Variants in NRXN1 observed in about 807,000 individuals in gnomAD.
The protein encoded by NRXN1 is neurexin-1.
NRXN1 carries 39 observed loss-of-function variants against 150.9 expected under a neutral mutation model. That is an observed-to-expected ratio of 0.26 (90% CI 0.20 to 0.34). NRXN1 has a LOEUF of 0.34. NRXN1 is among the 10% of genes least tolerant of loss of function. The pLI is 1.00. For missense variants in NRXN1, 1,815 were observed against 1,949.9 expected (o/e 0.93, Z 1.30); for synonymous variants, 924 against 757.0 (o/e 1.22, Z -3.62).
chr2:50,664,381 A>T (rs1349161492), intron 5 of NRXN1, among the ~76,000 whole-genome samples: 1 of 140,262 alleles, frequency 7.1e-6, no homozygotes, highest in Admixed American at 7.2e-5. Context: ...ACTTTTGAGA[A>T]TTCAAAGTTT....
At chr2:50,576,915 T>G (rs1671522895) in intron 8 of NRXN1, among the ~76,000 whole-genome samples, 1 of 152,116 alleles carries the variant, frequency 6.6e-6, no homozygotes, top group Non-Finnish European at 1.5e-5. Context: ...CTTTAATTAG[T>G]AAATACTGCA....
chr2:50,857,188 T>C (rs190949355), intron 5 of NRXN1, among the ~76,000 whole-genome samples: 2 of 152,248 alleles, frequency 1.3e-5, no homozygotes, highest in East Asian at 3.9e-4. Context: ...CGGGGTAAAG[T>C]TGAGCTGTGT....
chr2:50,494,633 G>A (rs1434278233), intron 15 of NRXN1, among the ~76,000 whole-genome samples: 1 of 152,158 alleles, frequency 6.6e-6, no homozygotes, highest in Admixed American at 6.6e-5. Flanking sequence ...TTTATATGTT[G>A]AGCAAATAAA....
intron 5 of NRXN1, among the ~76,000 whole-genome samples, chr2:50,845,304 C>A (rs773763729): frequency 6.6e-6 from 1 of 152,168 alleles, no homozygotes; most frequent in Non-Finnish European, 1.5e-5. Context: ...CGAACACTTA[C>A]TATTTATTGA....
chr2:49,981,442 C>A (rs1679970634), intron 21 of NRXN1, among the ~76,000 whole-genome samples: 1 of 151,982 alleles, frequency 6.6e-6, no homozygotes, highest in South Asian at 2.1e-4. Flanking sequence ...GAACATAAAA[C>A]CTTACATGTA....
chr2:50,291,559 A>G (rs150690205), intron 17 of NRXN1, among the ~76,000 whole-genome samples: 2 of 152,284 alleles, frequency 1.3e-5, no homozygotes, highest in Admixed American at 6.5e-5. Context: ...TGAAAAAGCC[A>G]TCCTCCCATG....
At chr2:50,408,445 G>A (rs2082906314) in intron 17 of NRXN1, among the ~76,000 whole-genome samples, 1 of 152,252 alleles carries the variant, frequency 6.6e-6, no homozygotes, top group African/African-American at 2.4e-5. Context: ...GCTGCATGAT[G>A]TAGCTGAGAT....
chr2:50,283,831 A>G (rs2071774264), intron 17 of NRXN1, among the ~76,000 whole-genome samples: 1 of 152,066 alleles, frequency 6.6e-6, no homozygotes, highest in African/African-American at 2.4e-5. Context: ...CCCTCTCCCT[A>G]TATCCATTCT....
At chr2:49,930,793 T>G (rs1357468055) in intron 22 of NRXN1, among the ~76,000 whole-genome samples, 3 of 152,160 alleles carry the variant, frequency 2.0e-5, no homozygotes, top group Non-Finnish European at 4.4e-5. Flanking sequence ...GATGAAAGCT[T>G]TTGTAACTTG....
chr2:50,562,252 A>G (rs747286963), intron 8 of NRXN1, among the ~76,000 whole-genome samples: 4 of 152,094 alleles, frequency 2.6e-5, no homozygotes, highest in Non-Finnish European at 5.9e-5. Context: ...AGACATTAGT[A>G]TAAGTATATA....
intron 17 of NRXN1, among the ~76,000 whole-genome samples, chr2:50,245,165 G>A (rs1320500578): frequency 6.6e-6 from 1 of 151,908 alleles, no homozygotes; most frequent in Non-Finnish European, 1.5e-5. Context: ...GAGTTCAATA[G>A]TTTGAGCTGC....
chr2:50,474,932 G>T (rs2089869259), intron 15 of NRXN1, among the ~76,000 whole-genome samples: 2 of 148,816 alleles, frequency 1.3e-5, no homozygotes, highest in South Asian at 2.1e-4. Flanking sequence ...GCCTGAGATT[G>T]TACCTTCACT....
At chr2:50,076,417 G>GT (rs1697113994) in intron 19 of NRXN1, among the ~76,000 whole-genome samples, 2 of 152,100 alleles carry the variant, frequency 1.3e-5, no homozygotes, top group African/African-American at 4.8e-5. Context: ...TACTTACCAG[G>GT]TTTTTACCAA....
intron 17 of NRXN1, among the ~76,000 whole-genome samples, chr2:50,301,667 G>GAGCT (rs2074163924): frequency 6.6e-6 from 1 of 152,142 alleles, no homozygotes; most frequent in Admixed American, 6.5e-5. Flanking sequence ...TAGCATCTCT[G>GAGCT]AGAATACCCT....
chr2:50,861,846 A>G (rs187418477), intron 5 of NRXN1, among the ~76,000 whole-genome samples: 10 of 152,082 alleles, frequency 6.6e-5, no homozygotes, highest in African/African-American at 2.4e-4. Context: ...TCTAGCAGTT[A>G]TAAGTGTATT....
chr2:50,852,264 A>G (rs1674627924), intron 5 of NRXN1, among the ~76,000 whole-genome samples: 1 of 152,156 alleles, frequency 6.6e-6, no homozygotes, highest in African/African-American at 2.4e-5. Flanking sequence ...AGAATGTTAT[A>G]CATGGAGAAA....
At chr2:49,928,255 C>A (rs1362732082) in intron 22 of NRXN1, among the ~76,000 whole-genome samples, 1 of 150,868 alleles carries the variant, frequency 6.6e-6, no homozygotes, top group Admixed American at 6.6e-5. Flanking sequence ...TTGCAATGAT[C>A]CTTAAAAAAA....
At chr2:50,139,659 T>C (rs561559799) in intron 18 of NRXN1, among the ~76,000 whole-genome samples, 1 of 152,166 alleles carries the variant, frequency 6.6e-6, no homozygotes, top group Non-Finnish European at 1.5e-5. Flanking sequence ...AATAACCTCA[T>C]ATATTTGGCT....
chr2:50,673,214 A>T (rs945351456), intron 5 of NRXN1, among the ~76,000 whole-genome samples: 1 of 152,078 alleles, frequency 6.6e-6, no homozygotes, highest in African/African-American at 2.4e-5. Context: ...TTAGCCCAAA[A>T]ATTATCTAGC....
Sources: allele counts gnomAD v4.1 joint callset (sites outside exome capture counted in the v4.1 genomes callset), GRCh38; gene constraint gnomAD v4.1.1; transcripts MANE v1.5; gene names NCBI Gene and HGNC (gene_info 2026-07-23, HGNC 2026-07-21).